The following GABRB3 variants were observed in gnomAD, a reference collection of about 807,000 sequenced individuals.
GABRB3 encodes gamma-aminobutyric acid receptor subunit beta-3.
Under a neutral mutation model 52.1 loss-of-function variants are expected in GABRB3, and 14 were observed. The ratio of observed to expected loss-of-function variants is 0.27; its 90% CI spans 0.18 to 0.42. The LOEUF is 0.42. Among genes scored for constraint, GABRB3 ranks in the 10% least tolerant of loss-of-function variants. The pLI is 1.00. For synonymous variants in GABRB3, 260 were observed against 232.3 expected (o/e 1.12, Z -1.08); for missense variants, 307 against 609.1 (o/e 0.50, Z 5.22).
In GABRB3 at chr15:26,764,171, AAAAAAAAAATATATATATATATAT is replaced by A. The variant is rs1566834452; in HGVS notation, c.240+8207_240+8230del. ...TCTCAAAAAAAAAAAAAAAAAAAAA[AAAAAAAAAATATATATATATATAT>A]ATATATATATATATATATATATATA... On this transcript the variant is annotated intron_variant, in intron 3 of 8. Coordinates refer to ENST00000311550, the MANE Select transcript of GABRB3 (RefSeq NM_000814.6). Among the ~76,000 whole-genome samples, 63 of 21,756 alleles carry A rather than the reference AAAAAAAAAATATATATATATATAT, an allele frequency of 2.9e-3. 7 individuals are homozygous for A. The highest frequency in any genetic ancestry group is 4.9e-3 in the South Asian group (2 of 410). The allele number at this position is 21,756 out of a possible 152,430, so 14.3% of individuals were successfully genotyped here.
chr15:26,556,118 G>C (rs894874314), intron 8 of GABRB3, among the ~76,000 whole-genome samples: 16 of 152,246 alleles, frequency 1.1e-4, no homozygotes, highest in South Asian at 1.0e-3. Context: ...ATCATTTCAT[G>C]AATACTCTTT....
At chr15:26,587,800 T>A (rs1019332577) in intron 4 of GABRB3, among the ~76,000 whole-genome samples, 1 of 152,128 alleles carries the variant, frequency 6.6e-6, no homozygotes, top group African/African-American at 2.4e-5. Context: ...CTCACACACA[T>A]GGTTTTATAT....
At chr15:26,656,107 T>C (rs373681939) in intron 3 of GABRB3, among the ~76,000 whole-genome samples, 4 of 152,146 alleles carry the variant, frequency 2.6e-5, no homozygotes, top group African/African-American at 7.2e-5. Flanking sequence ...ATTTTCACAG[T>C]GGTCAGATAG....
intron 3 of GABRB3, among the ~76,000 whole-genome samples, chr15:26,762,107 C>T (rs1447511098): frequency 6.6e-6 from 1 of 152,114 alleles, no homozygotes; most frequent in East Asian, 1.9e-4. Context: ...GCTGGGATTA[C>T]GGGCATAAAA....
chr15:26,626,646 T>TTAAGCG (rs1892707719), intron 3 of GABRB3, among the ~76,000 whole-genome samples: 1 of 152,240 alleles, frequency 6.6e-6, no homozygotes, highest in African/African-American at 2.4e-5. Flanking sequence ...TAACGTTCCC[T>TTAAGCG]TAAGTCAAAG....
At chr15:26,711,618 C>A (rs930078415) in intron 3 of GABRB3, among the ~76,000 whole-genome samples, 1 of 152,108 alleles carries the variant, frequency 6.6e-6, no homozygotes, top group African/African-American at 2.4e-5. Flanking sequence ...TGAGCCTTAG[C>A]GTACAAAGCC....
At chr15:26,624,555 C>T in intron 3 of GABRB3, 1 of 985,450 alleles carries the variant, frequency 1.0e-6, no homozygotes, top group South Asian at 4.7e-5. Context: ...GTGTCGCTCT[C>T]CGCACCACCA....
chr15:26,703,185 T>C (rs1037721389), intron 3 of GABRB3, among the ~76,000 whole-genome samples: 1 of 152,168 alleles, frequency 6.6e-6, no homozygotes, highest in African/African-American at 2.4e-5. Flanking sequence ...CTGGGGAATT[T>C]ATAAAGAACA....
At chr15:26,739,051 A>T (rs1473645238) in intron 3 of GABRB3, among the ~76,000 whole-genome samples, 1 of 152,178 alleles carries the variant, frequency 6.6e-6, no homozygotes, top group South Asian at 2.1e-4. Flanking sequence ...TAGGAGCTCA[A>T]ATATGGGCTT....
chr15:26,770,074 C>T (rs1398103694), intron 3 of GABRB3, among the ~76,000 whole-genome samples: 1 of 152,146 alleles, frequency 6.6e-6, no homozygotes, highest in African/African-American at 2.4e-5. Context: ...TTAACCATTG[C>T]TCTATTTGAG....
chr15:26,638,150 A>AT (rs1893104635), intron 3 of GABRB3, among the ~76,000 whole-genome samples: 1 of 152,214 alleles, frequency 6.6e-6, no homozygotes, highest in Admixed American at 6.5e-5. Context: ...TGAAGTCCCC[A>AT]TCCCTCATCA....
In GABRB3 at chr15:26,730,019, G is replaced by A. The variant is rs1228294695; in HGVS notation, c.240+42383C>T. On this transcript the variant is annotated intron_variant, in intron 3 of 8. Coordinates refer to ENST00000311550, the MANE Select transcript of GABRB3 (RefSeq NM_000814.6). Reference sequence around the variant, plus strand: ...CAAATGAATGCTGAACTCATAAATGGCCTGGCCGTGTCAGGCAGAAGCAAT... The same window carrying A: ...CAAATGAATGCTGAACTCATAAATGACCTGGCCGTGTCAGGCAGAAGCAAT... Among the ~76,000 whole-genome samples the A allele has an allele frequency of 4.6e-5, 7 of 152,238 alleles. No homozygotes were observed. The East Asian group carries it at 1.4e-3, about 29-fold the overall frequency.
chr15:26,545,483 A>C lies in GABRB3; in HGVS notation c.*2310T>G, dbSNP rs1889201088. 1 of 152,606 alleles carries C rather than the reference A, an allele frequency of 6.6e-6. No homozygotes were observed. Among genetic ancestry groups the C allele is most frequent in the African/African-American group, 2.4e-5 (1 of 41,438 alleles). 9.5% of individuals were successfully genotyped at this position (152,606 alleles called of 1,614,324 possible). ...ATCACTTTTCTCCCAGAAAGAATTA[A>C]TGTCACAGTTCTGAATAGTATAAAT... On this transcript the variant is annotated 3_prime_UTR_variant, in exon 9 of 9. Coordinates refer to ENST00000311550, the MANE Select transcript of GABRB3 (RefSeq NM_000814.6).
chr15:26,698,886 A>G (rs941397704), intron 3 of GABRB3, among the ~76,000 whole-genome samples: 1 of 152,246 alleles, frequency 6.6e-6, no homozygotes, highest in Non-Finnish European at 1.5e-5. Flanking sequence ...AACTAAAACA[A>G]TGACAAAAAC....
chr15:26,746,416 T>G (rs1890340750), intron 3 of GABRB3, among the ~76,000 whole-genome samples: 1 of 152,328 alleles, frequency 6.6e-6, no homozygotes, highest in African/African-American at 2.4e-5. Context: ...TAGAGTCTTT[T>G]GCAGAACAAA....
At chr15:26,552,697 G>GC (rs1334705692) in intron 8 of GABRB3, among the ~76,000 whole-genome samples, 2 of 152,182 alleles carry the variant, frequency 1.3e-5, no homozygotes, top group Non-Finnish European at 2.9e-5. Flanking sequence ...ACGATTCACA[G>GC]CAAGATTCTC....
intron 4 of GABRB3, among the ~76,000 whole-genome samples, chr15:26,595,754 C>G (rs1012847635): frequency 7.9e-5 from 12 of 152,100 alleles, no homozygotes; most frequent in African/African-American, 2.9e-4. Flanking sequence ...CTACTGTTAC[C>G]ATAAATCTTG....
intron 3 of GABRB3, among the ~76,000 whole-genome samples, chr15:26,666,875 A>C (rs1039379300): frequency 1.6e-4 from 25 of 152,296 alleles, no homozygotes; most frequent in African/African-American, 6.0e-4. Flanking sequence ...GTTGAGCAAG[A>C]AGGATCAGGG....
chr15:26,604,746 A>G (rs557624630), intron 4 of GABRB3, among the ~76,000 whole-genome samples: 59 of 152,222 alleles, frequency 3.9e-4, no homozygotes, highest in African/African-American at 1.4e-3. Flanking sequence ...CCTATCTCGC[A>G]CCTTATATAA....
Sources: gnomAD v4.1 joint callset for allele counts (sites outside exome capture counted in the v4.1 genomes callset) on GRCh38, gnomAD v4.1.1 for gene constraint, MANE v1.5 for transcripts, NCBI Gene and HGNC (gene_info 2026-07-23, HGNC 2026-07-21) for gene names.